Variants in CALD1 observed in about 807,000 individuals in gnomAD.
CALD1 encodes caldesmon.
In CALD1, 33 loss-of-function variants were observed where a neutral mutation model predicts 99.9. The observed-to-expected ratio is 0.33, with a 90% CI of 0.25 to 0.44. The LOEUF (loss-of-function observed/expected upper bound fraction) is 0.44. Ranked by LOEUF, CALD1 falls within the 20% of genes least tolerant of loss-of-function variation. The probability of loss-of-function intolerance (pLI) is 1.00; values close to 1 mark genes in which losing one functional copy is unlikely to be tolerated. For synonymous variants in CALD1, 310 were observed against 325.0 expected, an observed-to-expected ratio of 0.95 and a Z score of 0.50; for missense variants, 861 against 962.1, an observed-to-expected ratio of 0.89 and a Z score of 1.39.
Position 134,950,480 on chromosome 7 carries a change from T to G in CALD1, c.1901T>G (p.Phe634Cys). ...GGCTTGTCAGATGACAAGAAACCAT[T>G]CAAGTGTTTCACTCCTAAAGGTTCA... Reference protein sequence around the residue: ...EDGLSDDKKPFKCFTPKGSSL... With the variant: ...EDGLSDDKKPCKCFTPKGSSL... The change falls in exon 9 of 15, where the codon TTC (phenylalanine) becomes TGC (cysteine). Residue 634 changes from phenylalanine to cysteine, a missense_variant. Coordinates refer to ENST00000361675, the MANE Select transcript of CALD1 (RefSeq NM_033138.4). The G allele has an allele frequency of 6.2e-7, 1 of 1,614,088 alleles. No individual in the cohort carries two copies. The highest frequency in any genetic ancestry group is 8.5e-7 in the Non-Finnish European group (1 of 1,179,928).
intron 1 of CALD1, among the ~76,000 whole-genome samples, chr7:134,824,950 T>C (rs1436659208): frequency 1.3e-5 from 2 of 152,182 alleles, no homozygotes; most frequent in African/African-American, 2.4e-5. Context: ...GGAATTTGTG[T>C]TATTCTCTGA....
At chr7:134,920,433 CA>C in intron 3 of CALD1, 1 of 893,798 alleles carries the variant, frequency 1.1e-6, no homozygotes, top group Non-Finnish European at 1.4e-6. Flanking sequence ...TTAGCAGAAC[CA>C]ATAATGATGG....
At chr7:134,746,517 C>A (rs531857511) in intron 1 of CALD1, among the ~76,000 whole-genome samples, 2 of 152,238 alleles carry the variant, frequency 1.3e-5, no homozygotes, top group African/African-American at 4.8e-5. Context: ...AATGTGGAAG[C>A]AGCTTTGGAA....
intron 1 of CALD1, among the ~76,000 whole-genome samples, chr7:134,799,970 A>G (rs182557155): frequency 6.6e-6 from 1 of 152,324 alleles, no homozygotes; most frequent in Admixed American, 6.5e-5. Flanking sequence ...GGGGAAAAAT[A>G]ACAGAATGCA....
rs1804608189 is a variant in CALD1 at position 134,921,357 on chromosome 7, T to C, written c.72-7397T>C. Among the ~76,000 whole-genome samples the C allele has an allele frequency of 2.0e-5, 3 of 152,240 alleles. No individual in the cohort carries two copies. The South Asian group carries it at 6.2e-4, about 31-fold the overall frequency. ...ATGAGATCTTAATTTTTTCATAATG[T>C]TTTAAAAGGATCCTCATTCTTAAGA... On this transcript the variant is annotated intron_variant, in intron 3 of 14. Transcript: ENST00000361675.
intron 7 of CALD1, 108 bp downstream of exon 7, chr7:134,941,345 C>T: frequency 1.1e-6 from 1 of 877,046 alleles, no homozygotes; most frequent in Non-Finnish European, 1.7e-6. Context: ...GCTAAGCAGG[C>T]AGCATGCTTT....
intron 1 of CALD1, among the ~76,000 whole-genome samples, chr7:134,841,498 T>C (rs568597840): frequency 6.6e-6 from 1 of 152,348 alleles, no homozygotes; most frequent in Non-Finnish European, 1.5e-5. Context: ...CTGTAGCTTT[T>C]CATTTTTCTG....
At chr7:134,945,715 T>C (rs1806809618) in intron 7 of CALD1, among the ~76,000 whole-genome samples, 2 of 152,244 alleles carry the variant, frequency 1.3e-5, no homozygotes, top group South Asian at 4.1e-4. Context: ...GCTAATTTCA[T>C]AATTTTAAGT....
chr7:134,738,165 A>G, the CALD1 span, among the ~76,000 whole-genome samples: 2 of 152,160 alleles, frequency 1.3e-5, no homozygotes, highest in African/African-American at 2.4e-5. Context: ...TCCTGTGGTC[A>G]TTAAAACCCA....
chr7:134,856,718 G>A (rs1800319954), intron 2 of CALD1, among the ~76,000 whole-genome samples: 1 of 151,182 alleles, frequency 6.6e-6, no homozygotes. Flanking sequence ...GTCTCTCTAA[G>A]ACCAAGTTCT....
intron 1 of CALD1, among the ~76,000 whole-genome samples, chr7:134,820,747 A>G (rs1798742413): frequency 6.6e-6 from 1 of 152,180 alleles, no homozygotes; most frequent in Non-Finnish European, 1.5e-5. Flanking sequence ...ACTCTGACAT[A>G]TTGGTCAAAT....
In CALD1 at chr7:134,947,824, G is replaced by T. The variant is rs755678520; in HGVS notation, c.1794+55G>T. On this transcript the variant is annotated intron_variant, in intron 8 of 14. Transcript: ENST00000361675. The stretch of plus-strand genomic sequence containing the variant: ...TTGCCCGGGAAAATTCCCTAGTGCC[G>T]TGCGGCTGTTCTTTTGAGCATGGGC... The T allele has an allele frequency of 1.9e-6, 3 of 1,566,224 alleles. No homozygotes were observed. The African/African-American group carries it at 4.1e-5, about 22-fold the overall frequency.
chr7:134,766,071 G>A (rs1796823245), intron 1 of CALD1, among the ~76,000 whole-genome samples: 1 of 151,728 alleles, frequency 6.6e-6, no homozygotes, highest in African/African-American at 2.4e-5. Context: ...ACCAGAAGGT[G>A]GGCAGGTGCT....
intron 1 of CALD1, among the ~76,000 whole-genome samples, chr7:134,836,143 CAAAAAAAAAAAAAA>C (rs377048601): frequency 1.5e-5 from 1 of 68,566 alleles, no homozygotes; most frequent in Middle Eastern, 8.6e-3. Context: ...GACTTCATCT[CAAAAAAAAAAAAAA>C]AAAAAAAAAG....
intron 1 of CALD1, among the ~76,000 whole-genome samples, chr7:134,757,658 T>A (rs10279612): frequency 0.73 from 110,594 of 151,976 alleles, 41,705 homozygotes; most frequent in East Asian, 0.99. Flanking sequence ...AGGTGAGTGG[T>A]TCACGAGATC....
chr7:134,949,770 T>C (rs1807189734), intron 8 of CALD1, among the ~76,000 whole-genome samples: 1 of 152,116 alleles, frequency 6.6e-6, no homozygotes, highest in African/African-American at 2.4e-5. Flanking sequence ...TTATGTATCA[T>C]CCTATGGGAA....
At chr7:134,849,318 G>A (rs575466794) in intron 2 of CALD1, among the ~76,000 whole-genome samples, 1 of 152,214 alleles carries the variant, frequency 6.6e-6, no homozygotes, top group South Asian at 2.1e-4. Flanking sequence ...TCTAACTTTT[G>A]TATAGAATGT....
chr7:134,872,330 C>T (rs1586165390), intron 3 of CALD1, among the ~76,000 whole-genome samples: 2 of 145,608 alleles, frequency 1.4e-5, no homozygotes, highest in Non-Finnish European at 3.0e-5. Flanking sequence ...TGCACCCCAG[C>T]CTAAGTGACG....
intron 1 of CALD1, among the ~76,000 whole-genome samples, chr7:134,787,344 C>G (rs1188068175): frequency 2.0e-5 from 3 of 152,008 alleles, no homozygotes; most frequent in Non-Finnish European, 2.9e-5. Flanking sequence ...GCCATCATTA[C>G]TAAGGGAAAT....
Sources: gnomAD v4.1 joint callset for allele counts (sites outside exome capture counted in the v4.1 genomes callset) on GRCh38, gnomAD v4.1.1 for gene constraint, MANE v1.5 for transcripts, NCBI Gene and HGNC (gene_info 2026-07-23, HGNC 2026-07-21) for gene names.